Variants in CDKN3 observed in about 807,000 individuals in gnomAD.
CDKN3 encodes cyclin-dependent kinase inhibitor 3.
CDKN3 carries 19 observed loss-of-function variants against 36.1 expected under a neutral mutation model. The observed-to-expected ratio is 0.53, with a 90% CI of 0.37 to 0.77. The LOEUF is 0.77. Among genes scored for constraint, CDKN3 ranks in the 30% least tolerant of loss-of-function variants. CDKN3 has a pLI of 0.00. For synonymous variants in CDKN3, 71 were observed against 85.3 expected (o/e 0.83, Z 0.92); for missense variants, 188 against 248.6 (o/e 0.76, Z 1.64).
intron 3 of CDKN3, among the ~76,000 whole-genome samples, chr14:54,407,470 C>G (rs1014977234): frequency 6.6e-6 from 1 of 152,176 alleles, no homozygotes; most frequent in Non-Finnish European, 1.5e-5. Context: ...CAGGTGCTCT[C>G]TCCTAGGGAG....
chr14:54,413,542 T>C, intron 5 of CDKN3: 7 of 1,163,894 alleles, frequency 6.0e-6, no homozygotes, highest in South Asian at 2.6e-5. Context: ...ACTTTGCATA[T>C]GCTGAATGTT....
rs373934801 is a variant in CDKN3, at chr14:54,410,866, C to T, written c.194-618C>T. 2.2e-4 allele frequency among the ~76,000 whole-genome samples: 34 copies of T among 152,070 alleles called. 1 individual carries two copies. The East Asian group carries it at 6.0e-3, about 27-fold the overall frequency. On this transcript the variant is annotated intron_variant, in intron 4 of 7. Transcript: ENST00000335183. ...CTCACAAAATCAACCATATTTGCTA[C>T]TCAATTTTAAGTGTTTTAAGAGTTA...
chr14:54,415,993 A>G (rs1367894437), intron 6 of CDKN3, 63 bp downstream of exon 6: 1 of 1,188,170 alleles, frequency 8.4e-7, no homozygotes, highest in African/African-American at 1.5e-5. Flanking sequence ...TTTCCAGACC[A>G]TATGTTCATT....
Position 54,415,885 on chromosome 14 carries a change from T to C in CDKN3, c.417-14T>C. On this transcript the variant is annotated splice_polypyrimidine_tract_variant and intron_variant, in intron 5 of 7. Transcript: ENST00000335183. ...ATGAAATGTACAAACTTCAAAACTG[T>C]ATTTCCCTTTCAGCTGCTATGGAGG... The C allele has an allele frequency of 1.3e-6, 2 of 1,593,700 alleles. No homozygotes were observed. The highest frequency in any genetic ancestry group is 1.7e-6 in the Non-Finnish European group (2 of 1,161,656).
chr14:54,397,117 A>C, intron 1 of CDKN3, 40 bp downstream of exon 1: 1 of 1,470,344 alleles, frequency 6.8e-7, no homozygotes, highest in South Asian at 1.3e-5. Flanking sequence ...GCGAGGCGGC[A>C]GGGACGCAAG....
intron 1 of CDKN3, among the ~76,000 whole-genome samples, chr14:54,397,787 C>T (rs1359208245): frequency 2.0e-5 from 3 of 152,244 alleles, no homozygotes; most frequent in Non-Finnish European, 2.9e-5. Flanking sequence ...GGAAGCCTTT[C>T]CTTTGGGTGC....
At chr14:54,409,948 A>G (rs1362630075) in intron 4 of CDKN3, among the ~76,000 whole-genome samples, 1 of 152,074 alleles carries the variant, frequency 6.6e-6, no homozygotes, top group Non-Finnish European at 1.5e-5. Flanking sequence ...ACAGTAATAG[A>G]TAGTTGACCC....
intron 5 of CDKN3, chr14:54,413,568 A>G: frequency 2.1e-6 from 3 of 1,406,662 alleles, no homozygotes; most frequent in Non-Finnish European, 2.9e-6. Flanking sequence ...CTCCCATAAA[A>G]TAAAGCATCT....
At chr14:54,399,187 G>A (rs1487755351) in intron 1 of CDKN3, among the ~76,000 whole-genome samples, 1 of 151,996 alleles carries the variant, frequency 6.6e-6, no homozygotes, top group Non-Finnish European at 1.5e-5. Flanking sequence ...GTTTTGCCAT[G>A]TTAGCCAGGC....
In CDKN3 at chr14:54,410,950, G is replaced by A. The variant is rs193144743; in HGVS notation, c.194-534G>A. Among the ~76,000 whole-genome samples the A allele has an allele frequency of 2.8e-3, 431 of 152,046 alleles. 1 individual carries two copies. Among genetic ancestry groups the A allele is most frequent in the Non-Finnish European group, 5.0e-3 (340 of 67,966 alleles). The stretch of plus-strand genomic sequence containing the variant: ...TCCCAGCACTTTGGGAGGCGGAGGC[G>A]GGCAGATCAACTGAGGTCGGGAGTT... On this transcript the variant is annotated intron_variant, in intron 4 of 7. Coordinates refer to ENST00000335183, the MANE Select transcript of CDKN3 (RefSeq NM_005192.4).
intron 7 of CDKN3, 62 bp downstream of exon 7, chr14:54,418,013 A>T (rs981824380): frequency 1.6e-5 from 14 of 897,248 alleles, no homozygotes; most frequent in Non-Finnish European, 1.8e-5. Context: ...ATACAGATTC[A>T]TGTGTAACCA....
intron 6 of CDKN3, 41 bp from the exon 7 acceptor site, chr14:54,417,807 G>C (rs1201904739): frequency 9.0e-7 from 1 of 1,109,906 alleles, no homozygotes; most frequent in East Asian, 2.6e-5. Context: ...CCTGTCACTA[G>C]TTATTTAATA....
intron 3 of CDKN3, among the ~76,000 whole-genome samples, chr14:54,406,719 T>G (rs1566706177): frequency 6.7e-6 from 1 of 148,698 alleles, no homozygotes; most frequent in Non-Finnish European, 1.5e-5. Flanking sequence ...CTAAACTGGT[T>G]ATTATAGTTA....
intron 6 of CDKN3, 138 bp from the exon 7 acceptor site, chr14:54,417,710 T>C: frequency 3.9e-6 from 2 of 517,876 alleles, no homozygotes; most frequent in East Asian, 3.3e-5. Context: ...AAACACACAC[T>C]AAAAGTCTCA....
chr14:54,415,836 T>A, intron 5 of CDKN3, 63 bp from the exon 6 acceptor site: 1 of 1,170,044 alleles, frequency 8.5e-7, no homozygotes, highest in South Asian at 1.2e-5. Context: ...AAAGAGCAAG[T>A]CTTTAGTTGT....
chr14:54,413,804 C>T (rs4251647), intron 5 of CDKN3: 1 of 1,427,204 alleles, frequency 7.0e-7, no homozygotes, highest in Non-Finnish European at 9.1e-7. Flanking sequence ...AATTAGTGAA[C>T]AACACTGCTT....
intron 4 of CDKN3, chr14:54,411,176 CA>C (rs376186329): frequency 0.22 from 27,180 of 122,358 alleles, 845 homozygotes; most frequent in East Asian, 0.33. Context: ...GACTCCATCT[CA>C]AAAAAAAAAA....
At chr14:54,416,913 G>A (rs565021700) in intron 6 of CDKN3, among the ~76,000 whole-genome samples, 1 of 152,302 alleles carries the variant, frequency 6.6e-6, no homozygotes, top group South Asian at 2.1e-4. Flanking sequence ...CATATAGTCA[G>A]TAAGCACATG....
At position 54,397,043 on chromosome 14, in the gene CDKN3, C is replaced by G. The variant is rs1886326047; in HGVS notation, c.-26C>G. 1.3e-6 allele frequency: 2 copies of G among 1,490,114 alleles called. No individual in the cohort carries two copies. The highest frequency in any genetic ancestry group is 1.8e-6 in the Non-Finnish European group (2 of 1,117,158). 92.3% of individuals were successfully genotyped at this position (1,490,114 alleles called of 1,614,324 possible). ...GCCGGCGCTGCAGAGGGAGGCGGCA[C>G]TGGTCTCGACGTGGGGCGGCCAGCG... On this transcript the variant is annotated 5_prime_UTR_variant, in exon 1 of 8. Transcript: ENST00000335183.
Sources: gnomAD v4.1 joint callset for allele counts (sites outside exome capture counted in the v4.1 genomes callset) on GRCh38, gnomAD v4.1.1 for gene constraint, MANE v1.5 for transcripts, NCBI Gene and HGNC (gene_info 2026-07-23, HGNC 2026-07-21) for gene names.